Variants in ITK observed in about 807,000 individuals in gnomAD.
The protein encoded by ITK is IL2 inducible T cell kinase, also known as tyrosine-protein kinase ITK/TSK.
A neutral mutation model predicts 87.6 loss-of-function variants in ITK; 45 were observed. The observed-to-expected ratio is 0.51, with a 90% CI of 0.40 to 0.66. ITK has a LOEUF of 0.66. Ranked by LOEUF, ITK falls within the 30% of genes least tolerant of loss-of-function variation. The probability of loss-of-function intolerance (pLI) is 0.00; values close to 1 mark genes in which losing one functional copy is unlikely to be tolerated. For synonymous variants in ITK, 303 were observed against 273.6 expected (o/e 1.11, Z -1.06); for missense variants, 605 against 766.3 (o/e 0.79, Z 2.48).
chr5:157,192,483 T>C (rs773867935), intron 1 of ITK, among the ~76,000 whole-genome samples: 8 of 152,318 alleles, frequency 5.3e-5, no homozygotes, highest in Non-Finnish European at 5.9e-5. Flanking sequence ...GCGGATGAGG[T>C]GAGCAAGGAA....
chr5:157,212,101 A>G (rs1168025951), intron 3 of ITK, among the ~76,000 whole-genome samples: 1 of 152,206 alleles, frequency 6.6e-6, no homozygotes, highest in Non-Finnish European at 1.5e-5. Flanking sequence ...AATGATTAGC[A>G]TGTGACCCTG....
At chr5:157,213,630 C>T (rs1192354772) in intron 3 of ITK, 1 of 446,240 alleles carries the variant, frequency 2.2e-6, no homozygotes, top group South Asian at 1.6e-5. Context: ...GATCCTCTTG[C>T]CTCGGCCTAC....
Position 157,180,974 on chromosome 5 carries a change from G to A in ITK, c.-4G>A, listed in dbSNP as rs759626126. On this transcript the variant is annotated 5_prime_UTR_variant, in exon 1 of 17. Transcript: ENST00000422843. ...AAGGTGCACCACCTTTCAAGAACTG[G>A]ATCATGAACAACTTTATCCTCCTGG... The A allele has an allele frequency of 1.2e-6, 2 of 1,613,680 alleles. No individual in the cohort carries two copies. Among genetic ancestry groups the A allele is most frequent in the South Asian group, 2.2e-5 (2 of 91,084 alleles).
chr5:157,231,613 A>G lies in ITK; in HGVS notation c.714-727A>G, dbSNP rs571976249. Among the ~76,000 whole-genome samples, 7 of 152,318 alleles carry G rather than the reference A, an allele frequency of 4.6e-5. No homozygotes were observed. In the South Asian group the frequency reaches 1.2e-3, roughly 27 times the overall value. ...TCTCCTCCTGCATTTATTAATTTTC[A>G]AAACTGATTATTAACCGATGATCAG... On this transcript the variant is annotated intron_variant, in intron 7 of 16. Transcript: ENST00000422843.
intron 4 of ITK, 43 bp downstream of exon 4, chr5:157,214,362 TA>T (rs1273912330): frequency 3.2e-6 from 5 of 1,548,984 alleles, no homozygotes; most frequent in Non-Finnish European, 4.5e-6. Flanking sequence ...GAAATGACCA[TA>T]AAAAAGTAAA....
rs190848946 is a variant in ITK at position 157,228,075 on chromosome 5, G to A, written c.648-221G>A. On this transcript the variant is annotated intron_variant, in intron 6 of 16. Transcript: ENST00000422843. ...AGGCTGGTCTCAAACTCTTGACCTC[G>A]TGATCCACCTGCCTCGGCCTCCAAA... 2.0e-3 allele frequency among the ~76,000 whole-genome samples: 306 copies of A among 151,950 alleles called. 1 individual carries two copies. Among genetic ancestry groups the A allele is most frequent in the African/African-American group, 6.7e-3 (278 of 41,470 alleles).
At chr5:157,209,868 G>A (rs1165888557) in intron 2 of ITK, among the ~76,000 whole-genome samples, 1 of 152,070 alleles carries the variant, frequency 6.6e-6, no homozygotes, top group Non-Finnish European at 1.5e-5. Flanking sequence ...AGCAGGACAT[G>A]GCTGGCAGCT....
intron 1 of ITK, among the ~76,000 whole-genome samples, chr5:157,197,630 T>A (rs201339547): frequency 1.6e-5 from 1 of 61,470 alleles, no homozygotes; most frequent in African/African-American, 5.1e-5. Flanking sequence ...AAAAATGGGA[T>A]GATGCTCCAT....
In ITK at chr5:157,241,687, C is replaced by G; in HGVS notation, c.1027C>G (p.Gln343Glu). ...CCGGTATCCAGTTTGTTTTGGGAGG[C>G]AGAAAGCCCCAGTTACAGCAGGGCT... ...RLRYPVCFGR[Q>E]KAPVTAGLRY... The change falls in exon 11 of 17, where the codon CAG becomes GAG. Residue 343 changes from glutamine (Q) to glutamate (E), a missense_variant. Physicochemically the swap from Gln to Glu is conservative, Grantham distance 29. Transcript: ENST00000422843. 6.2e-7 allele frequency: 1 copy of G among 1,613,772 alleles called. No homozygotes were observed. The highest frequency in any genetic ancestry group is 8.5e-7 in the Non-Finnish European group (1 of 1,179,786).
At chr5:157,245,405 G>A in intron 13 of ITK, 1 of 451,530 alleles carries the variant, frequency 2.2e-6, no homozygotes, top group Non-Finnish European at 4.1e-6. Flanking sequence ...CTTTCTTCCT[G>A]TTATCCCTGA....
chr5:157,251,347 T>C (rs1755135434), intron 16 of ITK, among the ~76,000 whole-genome samples: 2 of 152,248 alleles, frequency 1.3e-5, no homozygotes, highest in African/African-American at 4.8e-5. Context: ...AATCAGGTTG[T>C]TTGTTTACTT....
chr5:157,220,820 A>T (rs1754399021), intron 5 of ITK, among the ~76,000 whole-genome samples: 1 of 152,178 alleles, frequency 6.6e-6, no homozygotes, highest in African/African-American at 2.4e-5. Context: ...CTAATATAAC[A>T]TATATATACA....
chr5:157,204,039 T>A (rs1391052158), intron 1 of ITK, among the ~76,000 whole-genome samples: 1 of 152,186 alleles, frequency 6.6e-6, no homozygotes, highest in Non-Finnish European at 1.5e-5. Flanking sequence ...GGTGTCCTGC[T>A]CTGTCACCCA....
chr5:157,220,480 TGCC>T (rs1347266088), intron 5 of ITK, among the ~76,000 whole-genome samples: 4 of 152,158 alleles, frequency 2.6e-5, no homozygotes, highest in African/African-American at 9.7e-5. Flanking sequence ...ACCCTATCCC[TGCC>T]ACTGCTACCT....
At chr5:157,181,168 TG>T in intron 1 of ITK, 53 bp downstream of exon 1, 1 of 1,578,198 alleles carries the variant, frequency 6.3e-7, no homozygotes, top group Non-Finnish European at 8.7e-7. Flanking sequence ...ATGTTTGGAC[TG>T]GGCTAATGCA....
intron 7 of ITK, among the ~76,000 whole-genome samples, chr5:157,229,744 G>A (rs748397112): frequency 1.3e-5 from 2 of 152,026 alleles, no homozygotes; most frequent in Non-Finnish European, 2.9e-5. Context: ...TGAAACCACC[G>A]TCTCTACTAA....
intron 10 of ITK, 100 bp downstream of exon 10, chr5:157,240,295 G>A (rs1295395695): frequency 1.3e-5 from 15 of 1,132,146 alleles, no homozygotes; most frequent in South Asian, 7.5e-5. Context: ...TCAGATCAGC[G>A]TCATTAGATT....
chr5:157,242,803 T>C (rs556767081), intron 11 of ITK, among the ~76,000 whole-genome samples: 1 of 152,254 alleles, frequency 6.6e-6, no homozygotes, highest in East Asian at 1.9e-4. Flanking sequence ...TTGATACAAG[T>C]GGTCAGAGGG....
At chr5:157,191,371 C>T (rs1296253850) in intron 1 of ITK, among the ~76,000 whole-genome samples, 1 of 152,130 alleles carries the variant, frequency 6.6e-6, no homozygotes, top group African/African-American at 2.4e-5. Context: ...TAGACAGTAG[C>T]AGCAAAGACT....
Sources: allele counts gnomAD v4.1 joint callset (sites outside exome capture counted in the v4.1 genomes callset), GRCh38; gene constraint gnomAD v4.1.1; transcripts MANE v1.5; gene names NCBI Gene and HGNC (gene_info 2026-07-23, HGNC 2026-07-21).